The following COL23A1 variants were observed in gnomAD, a reference collection of about 807,000 sequenced individuals.
COL23A1 encodes collagen type XXIII alpha 1 chain.
Under a neutral mutation model 99.3 loss-of-function variants are expected in COL23A1, and 97 were observed. The ratio of observed to expected loss-of-function variants is 0.98; its 90% CI spans 0.83 to 1.16. The LOEUF (loss-of-function observed/expected upper bound fraction) is 1.16. COL23A1 is among the 50% of genes most tolerant of loss of function. The pLI is 0.00. For synonymous variants in COL23A1, 320 were observed against 308.2 expected (o/e 1.04, Z -0.40); for missense variants, 762 against 757.4 (o/e 1.01, Z -0.07).
chr5:178,505,424 A>T (rs1157711962), intron 2 of COL23A1, among the ~76,000 whole-genome samples: 1 of 151,750 alleles, frequency 6.6e-6, no homozygotes, highest in Non-Finnish European at 1.5e-5. Context: ...TAATTTCTTT[A>T]TATTTTTTGG....
chr5:178,342,065 C>G (rs1760701248), intron 2 of COL23A1, among the ~76,000 whole-genome samples: 1 of 152,164 alleles, frequency 6.6e-6, no homozygotes, highest in Non-Finnish European at 1.5e-5. Context: ...GCAGGGGGAC[C>G]GCTGTTTGCT....
intron 1 of COL23A1, among the ~76,000 whole-genome samples, chr5:178,563,007 C>G (rs1297063989): frequency 4.6e-5 from 7 of 152,200 alleles, no homozygotes; most frequent in Non-Finnish European, 1.0e-4. Flanking sequence ...AAGAAAAGTT[C>G]TCCAAGTCCC....
At chr5:178,358,128 T>A (rs950636927) in intron 2 of COL23A1, among the ~76,000 whole-genome samples, 1 of 151,164 alleles carries the variant, frequency 6.6e-6, no homozygotes, top group African/African-American at 2.4e-5. Context: ...TGTACGTGTG[T>A]ACGTCTAATG....
intron 2 of COL23A1, among the ~76,000 whole-genome samples, chr5:178,503,872 C>T (rs1047289234): frequency 2.6e-5 from 4 of 152,026 alleles, no homozygotes; most frequent in African/African-American, 4.8e-5. Context: ...TTCCCCAAGG[C>T]GGAGCGGGCA....
Position 178,238,456 on chromosome 5 carries a change from T to C in COL23A1, c.*242A>G. 1.1e-5 allele frequency: 6 copies of C among 562,002 alleles called. No individual in the cohort carries two copies. The highest frequency in any genetic ancestry group is 1.9e-5 in the Non-Finnish European group (6 of 315,682). The allele number at this position is 562,002 out of a possible 1,614,324, so 34.8% of individuals were successfully genotyped here. ...CGAGCCAGGTGCTTCTACCTTCATC[T>C]CCTTCCTGGGAAAGCCCAGGCCCAA... On this transcript the variant is annotated 3_prime_UTR_variant, in exon 29 of 29. Transcript: ENST00000390654.
intron 2 of COL23A1, among the ~76,000 whole-genome samples, chr5:178,374,078 C>T (rs543525301): frequency 1.5e-4 from 23 of 152,272 alleles, no homozygotes; most frequent in East Asian, 3.9e-4. Context: ...CACAAGGATG[C>T]GCAAGGGTAC....
rs117528941 is a variant in COL23A1 at position 178,558,696 on chromosome 5, G to A, written c.361+1986C>T. Among the ~76,000 whole-genome samples the A allele has an allele frequency of 3.1e-3, 473 of 151,876 alleles. 24 individuals carry two copies. In the East Asian group the frequency reaches 0.07, roughly 23 times the overall value. On this transcript the variant is annotated intron_variant, in intron 2 of 28. Transcript: ENST00000390654. ...CAGTAACACTCAGAAAGAGGGGAGC[G>A]AAAAAGAAGGACTGTTGGCATTTTA...
At chr5:178,291,915 G>A (rs1757480251) in intron 3 of COL23A1, among the ~76,000 whole-genome samples, 1 of 152,130 alleles carries the variant, frequency 6.6e-6, no homozygotes, top group African/African-American at 2.4e-5. Context: ...GTCTAGATCA[G>A]GGCGGAACAG....
rs115293098 is a variant in COL23A1, at chr5:178,401,349, G to A, written c.362-94430C>T. Among the ~76,000 whole-genome samples, 881 of 152,276 alleles carry A rather than the reference G, an allele frequency of 5.8e-3. 4 individuals carry two copies. The highest frequency in any genetic ancestry group is 0.019 in the African/African-American group (792 of 41,552). ...CATCTGTTTGAGTCCCTGCTTTCAG[G>A]GATCATCCCTGTAGTTCTGCCTCAT... On this transcript the variant is annotated intron_variant, in intron 2 of 28. Coordinates refer to ENST00000390654, the MANE Select transcript of COL23A1 (RefSeq NM_173465.4).
intron 21 of COL23A1, 107 bp from the exon 22 acceptor site, chr5:178,247,659 C>T: frequency 6.4e-7 from 1 of 1,562,684 alleles, no homozygotes; most frequent in South Asian, 1.1e-5. Flanking sequence ...GCCCATGTGC[C>T]CCTCCCTGAA....
At chr5:178,448,924 TA>T (rs1360219755) in intron 2 of COL23A1, among the ~76,000 whole-genome samples, 6 of 148,336 alleles carry the variant, frequency 4.0e-5, no homozygotes, top group Middle Eastern at 3.5e-3. Flanking sequence ...TTTTTTTTTT[TA>T]AATAAACCAT....
At chr5:178,429,682 A>G (rs1189702277) in intron 2 of COL23A1, among the ~76,000 whole-genome samples, 1 of 151,708 alleles carries the variant, frequency 6.6e-6, no homozygotes, top group African/African-American at 2.4e-5. Context: ...CACACTCCCT[A>G]CTGCCTCCCC....
intron 2 of COL23A1, among the ~76,000 whole-genome samples, chr5:178,320,821 C>T (rs1475863730): frequency 6.6e-6 from 1 of 152,236 alleles, no homozygotes; most frequent in Non-Finnish European, 1.5e-5. Flanking sequence ...CTCACACCCT[C>T]CTTTCCCTCT....
At chr5:178,258,092 T>TA (rs71585685) in intron 12 of COL23A1, among the ~76,000 whole-genome samples, 1 of 151,344 alleles carries the variant, frequency 6.6e-6, no homozygotes, top group Admixed American at 6.6e-5. Flanking sequence ...AACCAGAAAA[T>TA]AAAAAATTAG....
chr5:178,358,670 AATGTGTATGTGT>A (rs761823398), intron 2 of COL23A1, among the ~76,000 whole-genome samples: 1 of 50,678 alleles, frequency 2.0e-5, no homozygotes, highest in South Asian at 8.0e-4. Context: ...GTATGTGTCT[AATGTGTATGTGT>A]ATGTGTGTGT....
intron 1 of COL23A1, chr5:178,562,117 C>A (rs1762592655): frequency 3.8e-6 from 2 of 523,540 alleles, no homozygotes; most frequent in South Asian, 1.5e-5. Context: ...TGGCAGGCGC[C>A]TATAATCCCA....
At chr5:178,333,650 C>T (rs561672764) in intron 2 of COL23A1, among the ~76,000 whole-genome samples, 12 of 152,142 alleles carry the variant, frequency 7.9e-5, no homozygotes, top group Non-Finnish European at 8.8e-5. Context: ...TCCATCCTGG[C>T]GCTCCTCATC....
chr5:178,424,087 T>G (rs1374654231), intron 2 of COL23A1, among the ~76,000 whole-genome samples: 2 of 152,202 alleles, frequency 1.3e-5, no homozygotes, highest in African/African-American at 4.8e-5. Context: ...CTTTCTCAGC[T>G]GCTTGGCCTT....
rs116459594 is a variant in COL23A1, at chr5:178,415,824, G to A, written c.362-108905C>T. On this transcript the variant is annotated intron_variant, in intron 2 of 28. Transcript: ENST00000390654. This position sits in a 1 kb window ranked among gnomAD's most constrained non-coding sequence, Gnocchi z 4.6. ...CAAGAAAGACTGAAAACTCCTCGAG[G>A]GCACAACTGCAGACATCAGGGGCAG... Among the ~76,000 whole-genome samples the A allele has an allele frequency of 1.3e-5, 2 of 152,282 alleles. No homozygotes were observed. Among genetic ancestry groups the A allele is most frequent in the African/African-American group, 2.4e-5 (1 of 41,562 alleles).
Sources: gnomAD v4.1 joint callset for allele counts (sites outside exome capture counted in the v4.1 genomes callset) on GRCh38, gnomAD v4.1.1 for gene constraint, Gnocchi (gnomAD v3.1) non-coding constraint, MANE v1.5 for transcripts, NCBI Gene and HGNC (gene_info 2026-07-23, HGNC 2026-07-21) for gene names.